Variants in RASAL1 observed in about 807,000 individuals in gnomAD.
The protein encoded by RASAL1 is rasGAP-activating-like protein 1.
A neutral mutation model predicts 96.6 loss-of-function variants in RASAL1; 72 were observed. The observed-to-expected ratio is 0.75, with a 90% CI of 0.62 to 0.91. The LOEUF (loss-of-function observed/expected upper bound fraction) is 0.91, where lower values mean the gene tolerates loss of function less well. RASAL1 is among the 40% of genes least tolerant of loss of function. The pLI, the probability that RASAL1 is intolerant of heterozygous loss-of-function variation, is 0.00. For synonymous variants in RASAL1, 405 were observed against 430.4 expected (o/e 0.94, Z 0.73); for missense variants, 1,016 against 1,072.5 (o/e 0.95, Z 0.74).
chr12:113,116,460 C>G (rs994669072), intron 8 of RASAL1, among the ~76,000 whole-genome samples: 4 of 152,020 alleles, frequency 2.6e-5, no homozygotes, highest in Non-Finnish European at 5.9e-5. Context: ...CCAATGGGAA[C>G]ACATGGGAGG....
In RASAL1 at chr12:113,100,647, T is replaced by A; in HGVS notation, c.2259A>T (p.Thr753=). The change falls in exon 20 of 21, where the codon ACA becomes ACT. Residue 753 remains threonine (T), a synonymous_variant. Coordinates refer to ENST00000548055, the MANE Select transcript of RASAL1 (RefSeq NM_001301202.2). ...CCTTACCTGTGTCTGCCTCCAGAGTTGTATCCATGTTAGAATCCTCCAGTA... is the reference window on the plus strand; with the variant it reads ...CCTTACCTGTGTCTGCCTCCAGAGTAGTATCCATGTTAGAATCCTCCAGTA... ...LKLLEDSNMD[T]TLEADTGACP... 1 of 1,610,408 alleles carries A rather than the reference T, an allele frequency of 6.2e-7. No individual in the cohort carries two copies. The highest frequency in any genetic ancestry group is 8.5e-7 in the Non-Finnish European group (1 of 1,177,162).
intron 13 of RASAL1, 88 bp from the exon 14 acceptor site, chr12:113,108,310 G>A (rs775491338): frequency 1.4e-6 from 2 of 1,453,878 alleles, no homozygotes; most frequent in South Asian, 1.4e-5. Flanking sequence ...GAAATTCGTG[G>A]TGCAAAGAGA....
Position 113,130,898 on chromosome 12 carries a change from C to A in RASAL1, c.109G>T (p.Glu37Ter), listed in dbSNP as rs747228187. 1.2e-6 allele frequency: 2 copies of A among 1,613,552 alleles called. No individual in the cohort carries two copies. The highest frequency in any genetic ancestry group is 2.2e-5 in the East Asian group (1 of 44,876). The change falls in exon 2 of 21, where the codon GAG becomes TAG. Residue 37 changes from glutamate (E) to a stop codon, truncating the protein, a stop_gained. Transcript: ENST00000548055. LOFTEE classifies it high-confidence loss of function. The surrounding 1 kb of genome is among the most constrained non-coding windows in gnomAD (Gnocchi z 5.1). The part of the protein sequence containing the change: ...DPYCLVKVDD[E>*]VVARTATVWR... ...GCCACCCCTCACCTGGCCACCACCT[C>A]GTCGTCCACTTTCACTAGGCAGTAG...
At chr12:113,102,044 C>T in intron 18 of RASAL1, 35 bp from the exon 19 acceptor site, 1 of 1,598,176 alleles carries the variant, frequency 6.3e-7, no homozygotes, top group Non-Finnish European at 8.5e-7. Flanking sequence ...CAGTAACTCC[C>T]TCTCCCCTTC....
At chr12:113,133,703 A>T (rs1188824219) in intron 1 of RASAL1, among the ~76,000 whole-genome samples, 1 of 152,170 alleles carries the variant, frequency 6.6e-6, no homozygotes, top group Non-Finnish European at 1.5e-5. Flanking sequence ...CTCCAGGAAG[A>T]GCCCCTTTGA....
chr12:113,107,135 TCTCTCA>T lies in RASAL1; in HGVS notation c.1613_1618del (p.Val538_Arg539del), dbSNP rs1274106096. 2 of 1,613,500 alleles carry T rather than the reference TCTCTCA, an allele frequency of 1.2e-6. No individual in the cohort carries two copies. The highest frequency in any genetic ancestry group is 2.7e-5 in the African/African-American group (2 of 74,870). On this transcript the variant is annotated inframe_deletion, in exon 15 of 21. Transcript: ENST00000548055. ...CACATCCACCAGCCGGTCCAGGAAG[TCTCTCA>T]CACGTGAGACACACTGCAGCAGGAA... is the stretch of plus-strand genomic sequence containing the variant.
intron 19 of RASAL1, among the ~76,000 whole-genome samples, chr12:113,101,168 T>C (rs1950429103): frequency 6.6e-6 from 1 of 152,180 alleles, no homozygotes; most frequent in African/African-American, 2.4e-5. Context: ...CCCTGCACTT[T>C]GAGAGGGCAA....
In RASAL1 at chr12:113,119,351, C is replaced by G; in HGVS notation, c.510+11G>C. 6.2e-7 allele frequency: 1 copy of G among 1,613,174 alleles called. No individual in the cohort carries two copies. The highest frequency in any genetic ancestry group is 2.2e-5 in the East Asian group (1 of 44,810). ...CCCCACTCCTTCCTGGCTTCATTCCCCACCACTCACTGAGGTCTCCAAGCT... is the reference window on the plus strand; with the variant it reads ...CCCCACTCCTTCCTGGCTTCATTCCGCACCACTCACTGAGGTCTCCAAGCT... On this transcript the variant is annotated intron_variant, in intron 6 of 20. Coordinates refer to ENST00000548055, the MANE Select transcript of RASAL1 (RefSeq NM_001301202.2).
intron 4 of RASAL1, among the ~76,000 whole-genome samples, chr12:113,123,329 G>A: frequency 6.6e-6 from 1 of 152,156 alleles, no homozygotes; most frequent in East Asian, 1.9e-4. Context: ...GTGAAGTCAT[G>A]TTTGTTTGAT....
At chr12:113,126,686 T>TCA (rs751428777) in intron 4 of RASAL1, among the ~76,000 whole-genome samples, 1,421 of 141,480 alleles carry the variant, frequency 0.01, 7 homozygotes, top group Middle Eastern at 0.019. Context: ...TGTCTCTCTC[T>TCA]CTCACACACA....
At chr12:113,109,683 G>A (rs2136141218) in intron 13 of RASAL1, among the ~76,000 whole-genome samples, 1 of 152,302 alleles carries the variant, frequency 6.6e-6, no homozygotes, top group East Asian at 1.9e-4. Flanking sequence ...CCCGGGGCGT[G>A]TGCCACCTTC....
rs774283460 is a variant in RASAL1 at position 113,103,906 on chromosome 12, G to A, written c.2104+40C>T. On this transcript the variant is annotated intron_variant, in intron 18 of 20. Coordinates refer to ENST00000548055, the MANE Select transcript of RASAL1 (RefSeq NM_001301202.2). ...AAGTGGGACACCCGCTGATTGACGG[G>A]TGGGGAGGGCGGAGCCTGCAGTCCG... 5 of 1,542,690 alleles carry A rather than the reference G, an allele frequency of 3.2e-6. No individual in the cohort carries two copies. The African/African-American group carries it at 5.5e-5, about 17-fold the overall frequency.
At chr12:113,125,595 G>A (rs1951451902) in intron 4 of RASAL1, among the ~76,000 whole-genome samples, 1 of 152,252 alleles carries the variant, frequency 6.6e-6, no homozygotes, top group African/African-American at 2.4e-5. Flanking sequence ...TGGCTGGTCT[G>A]AGTGCGGTGG....
At position 113,101,899 on chromosome 12, in the gene RASAL1, C is replaced by A. The variant is rs1950460646; in HGVS notation, c.2215G>T (p.Asp739Tyr). 1.2e-6 allele frequency: 2 copies of A among 1,613,446 alleles called. No homozygotes were observed. Among genetic ancestry groups the A allele is most frequent in the Admixed American group, 1.7e-5 (1 of 59,984 alleles). ...GGTGGGGGCACCCACCTGAGCTGGT[C>A]CCGCCCCAGGAGCAGCTGCCGATAC... ...TVYRQLLLGRDQLRLKLLEDS... is the reference protein window; with the variant it reads ...TVYRQLLLGRYQLRLKLLEDS... Residue 739 changes from aspartate (D) to tyrosine (Y), a missense_variant, in exon 19 of 21, where the codon GAC becomes TAC. Asp to Tyr is a radical substitution (Grantham distance 160). Transcript: ENST00000548055.
Position 113,130,858 on chromosome 12 carries a change from C to T in RASAL1, c.122+27G>A, listed in dbSNP as rs758082103. On this transcript the variant is annotated intron_variant, in intron 2 of 20. Coordinates refer to ENST00000548055, the MANE Select transcript of RASAL1 (RefSeq NM_001301202.2). The surrounding 1 kb of genome is among the most constrained non-coding windows in gnomAD (Gnocchi z 5.1). ...TCTAGAAAGAGACCCCTCCCTTCCT[C>T]CTCTCCCCCGTGTCGCCACCCCTCA... The T allele has an allele frequency of 1.2e-6, 2 of 1,601,228 alleles. No individual in the cohort carries two copies. Among genetic ancestry groups the T allele is most frequent in the Non-Finnish European group, 8.5e-7 (1 of 1,169,986 alleles).
At chr12:113,133,654 C>T (rs1346309341) in intron 1 of RASAL1, among the ~76,000 whole-genome samples, 1 of 152,140 alleles carries the variant, frequency 6.6e-6, no homozygotes. Context: ...AAGAACACAC[C>T]CCACCTAAGG....
Position 113,099,755 on chromosome 12 carries a change from G to A in RASAL1, c.*174C>T, listed in dbSNP as rs1454951898. 3.3e-6 allele frequency: 3 copies of A among 907,296 alleles called. No homozygotes were observed. The highest frequency in any genetic ancestry group is 4.9e-6 in the Non-Finnish European group (3 of 615,964). 56.2% of individuals were successfully genotyped at this position (907,296 alleles called of 1,614,324 possible). The stretch of plus-strand genomic sequence containing the variant: ...AGTGCAAGGCTGGCCCCTGCCAAAG[G>A]GCTTCCATGCCCTGAGTTCTGGACT... On this transcript the variant is annotated 3_prime_UTR_variant, in exon 21 of 21. Coordinates refer to ENST00000548055, the MANE Select transcript of RASAL1 (RefSeq NM_001301202.2).
At chr12:113,117,269 G>C in intron 7 of RASAL1, 108 bp from the exon 8 acceptor site, 1 of 764,654 alleles carries the variant, frequency 1.3e-6, no homozygotes, top group Non-Finnish European at 2.0e-6. Flanking sequence ...CCACAGAGGG[G>C]CAGAATGGCC....
At chr12:113,128,310 A>T in intron 2 of RASAL1, 132 bp from the exon 3 acceptor site, 1 of 610,284 alleles carries the variant, frequency 1.6e-6, no homozygotes, top group Non-Finnish European at 2.9e-6. Flanking sequence ...ACACTCAGAG[A>T]CCCCCCACAT....
Sources: allele counts gnomAD v4.1 joint callset (sites outside exome capture counted in the v4.1 genomes callset), GRCh38; gene constraint gnomAD v4.1.1; non-coding constraint Gnocchi (gnomAD v3.1); transcripts MANE v1.5; gene names NCBI Gene and HGNC (gene_info 2026-07-23, HGNC 2026-07-21).